ENAH: variants seen among roughly 807,000 people sequenced by gnomAD.
ENAH encodes the protein protein enabled homolog.
Under a neutral mutation model 78.7 loss-of-function variants are expected in ENAH, and 23 were observed. That is an observed-to-expected ratio of 0.29 (90% CI 0.21 to 0.41). ENAH has a LOEUF of 0.41. Among genes scored for constraint, ENAH ranks in the 10% least tolerant of loss-of-function variants. The probability of loss-of-function intolerance (pLI) is 1.00; values close to 1 mark genes in which losing one functional copy is unlikely to be tolerated. For synonymous variants in ENAH, 226 were observed against 241.0 expected (o/e 0.94, Z 0.58); for missense variants, 544 against 691.0 (o/e 0.79, Z 2.39).
intron 10 of ENAH, among the ~76,000 whole-genome samples, chr1:225,509,087 T>G (rs2096356843): frequency 6.6e-6 from 1 of 152,190 alleles, no homozygotes; most frequent in South Asian, 2.1e-4. Context: ...TATTCCTTCT[T>G]TTGTATTCTA....
chr1:225,511,429 T>C (rs1212821762), intron 10 of ENAH, among the ~76,000 whole-genome samples: 1 of 152,212 alleles, frequency 6.6e-6, no homozygotes, highest in Non-Finnish European at 1.5e-5. Flanking sequence ...AGTTTACAAA[T>C]CAGAAACTTT....
intron 2 of ENAH, among the ~76,000 whole-genome samples, chr1:225,558,088 TA>T (rs1428609814): frequency 2.6e-5 from 4 of 152,232 alleles, no homozygotes; most frequent in Non-Finnish European, 5.9e-5. Context: ...TCAATTTTTA[TA>T]AATCTCTAGA....
intron 4 of ENAH, among the ~76,000 whole-genome samples, chr1:225,522,095 C>T (rs79698826): frequency 0.043 from 6,541 of 152,210 alleles, 228 homozygotes; most frequent in South Asian, 0.11. Context: ...GCGCCCGGCC[C>T]AACAATAGTT....
chr1:225,548,457 A>G (rs543931008), intron 3 of ENAH, among the ~76,000 whole-genome samples: 1 of 152,372 alleles, frequency 6.6e-6, no homozygotes, highest in East Asian at 1.9e-4. Flanking sequence ...ACACAAAACT[A>G]AAAGTAAATT....
At chr1:225,561,397 G>A (rs889391815) in intron 2 of ENAH, among the ~76,000 whole-genome samples, 2 of 151,854 alleles carry the variant, frequency 1.3e-5, no homozygotes, top group Non-Finnish European at 2.9e-5. Context: ...GCGGAGGCAA[G>A]CAGATCATGA....
chr1:225,577,865 T>C (rs546938780), intron 1 of ENAH, among the ~76,000 whole-genome samples: 1 of 152,262 alleles, frequency 6.6e-6, no homozygotes, highest in Non-Finnish European at 1.5e-5. Context: ...CATGTAGTCA[T>C]GTGTGCTTAG....
chr1:225,625,099 CTGAGCGATAGACTTAA>C (rs1179309293), intron 1 of ENAH, among the ~76,000 whole-genome samples: 1 of 152,158 alleles, frequency 6.6e-6, no homozygotes, highest in East Asian at 1.9e-4. Context: ...AGCAGAAGAG[CTGAGCGATAGACTTAA>C]TTTCAAAATG....
chr1:225,602,767 A>G (rs2096937460), intron 1 of ENAH, among the ~76,000 whole-genome samples: 1 of 152,124 alleles, frequency 6.6e-6, no homozygotes, highest in Admixed American at 6.6e-5. Flanking sequence ...TTTGAAAAGA[A>G]AGAGAGAAAA....
chr1:225,520,307 A>G (rs1372684278), intron 4 of ENAH, among the ~76,000 whole-genome samples: 40 of 151,824 alleles, frequency 2.6e-4, no homozygotes, highest in Non-Finnish European at 5.9e-5. Flanking sequence ...AAAAAAAAAA[A>G]AAGTTTACTG....
rs2096236680 is a variant in ENAH at position 225,494,058 on chromosome 1, C to T, written c.*3717G>A. 3.1e-5 allele frequency: 1 copy of T among 31,968 alleles called. No individual in the cohort carries two copies. The highest frequency in any genetic ancestry group is 1.1e-4 in the African/African-American group (1 of 9,448). The allele number at this position is 31,968 out of a possible 1,614,324, so 2.0% of individuals were successfully genotyped here. ...AAGAGAAGCAAGAACATGAGACAGGCTAGAGCAAAAAAAAAAAAAAAAAAA... is the reference window on the plus strand; with the variant it reads ...AAGAGAAGCAAGAACATGAGACAGGTTAGAGCAAAAAAAAAAAAAAAAAAA... On this transcript the variant is annotated 3_prime_UTR_variant, in exon 14 of 14. Transcript: ENST00000366843.
At chr1:225,518,628 C>T (rs965125936) in intron 5 of ENAH, among the ~76,000 whole-genome samples, 3 of 152,128 alleles carry the variant, frequency 2.0e-5, no homozygotes, top group African/African-American at 7.2e-5. Context: ...TTTTAATAAA[C>T]GTTAAAATAT....
intron 1 of ENAH, among the ~76,000 whole-genome samples, chr1:225,617,692 G>A (rs1453192471): frequency 6.6e-6 from 1 of 152,102 alleles, no homozygotes; most frequent in Non-Finnish European, 1.5e-5. Context: ...CAACTCACTA[G>A]TAAGCTTAGG....
At chr1:225,556,980 T>C (rs909184638) in intron 2 of ENAH, among the ~76,000 whole-genome samples, 2 of 152,214 alleles carry the variant, frequency 1.3e-5, no homozygotes, top group African/African-American at 2.4e-5. Flanking sequence ...TAAGGCTCTA[T>C]TTTCACCTAC....
chr1:225,511,695 G>T, intron 10 of ENAH, 116 bp downstream of exon 10: 1 of 616,928 alleles, frequency 1.6e-6, no homozygotes, highest in Non-Finnish European at 2.7e-6. Context: ...AAAGAACTCT[G>T]GCATTTTAGT....
chr1:225,576,794 C>G (rs1402292216), intron 1 of ENAH, among the ~76,000 whole-genome samples: 1 of 152,190 alleles, frequency 6.6e-6, no homozygotes, highest in Non-Finnish European at 1.5e-5. Flanking sequence ...GAAACCAGCA[C>G]CAGCCCTGCC....
At chr1:225,650,504 T>A (rs1357271511) in intron 1 of ENAH, among the ~76,000 whole-genome samples, 1 of 152,212 alleles carries the variant, frequency 6.6e-6, no homozygotes, top group East Asian at 1.9e-4. Context: ...CGGTAACTTT[T>A]TTTTAGTTCA....
chr1:225,514,654 C>G lies in ENAH; in HGVS notation c.1160G>C (p.Arg387Pro), dbSNP rs1261936433. 1.2e-6 allele frequency: 2 copies of G among 1,608,254 alleles called. No homozygotes were observed. Among genetic ancestry groups the G allele is most frequent in the South Asian group, 1.1e-5 (1 of 90,858 alleles). ...FFLASMSEDN[R>P]PLTGLAAAIA... Reference sequence around the variant, plus strand: ...TGCAGCTGCAAGTCCAGTTAAAGGGCGATTGTCTTCTGACATGGATGCCAA... The same window carrying G: ...TGCAGCTGCAAGTCCAGTTAAAGGGGGATTGTCTTCTGACATGGATGCCAA... The change falls in exon 7 of 14, where the codon CGC becomes CCC. Residue 387 changes from arginine to proline, a missense_variant. By Grantham distance (103) the Arg-to-Pro change is moderately radical. Coordinates refer to ENST00000366843, the MANE Select transcript of ENAH (RefSeq NM_018212.6).
intron 1 of ENAH, among the ~76,000 whole-genome samples, chr1:225,641,295 G>A (rs1661017434): frequency 6.6e-6 from 1 of 151,622 alleles, no homozygotes; most frequent in African/African-American, 2.4e-5. Context: ...AAAAAATTAT[G>A]CATTTTCCTT....
Position 225,491,745 on chromosome 1 carries a change from C to T in ENAH, c.*6030G>A, listed in dbSNP as rs2096223396. 6.6e-6 allele frequency: 1 copy of T among 152,136 alleles called. No homozygotes were observed. The highest frequency in any genetic ancestry group is 6.5e-5 in the Admixed American group (1 of 15,278). 9.4% of individuals were successfully genotyped at this position (152,136 alleles called of 1,614,324 possible). ...CAATGTAGACTTTTTCTTCTGAGTG[C>T]TTTTTCCTATGGAATTCAAAGTACC... On this transcript the variant is annotated 3_prime_UTR_variant, in exon 14 of 14. Coordinates refer to ENST00000366843, the MANE Select transcript of ENAH (RefSeq NM_018212.6).
Sources: allele counts gnomAD v4.1 joint callset (sites outside exome capture counted in the v4.1 genomes callset), GRCh38; gene constraint gnomAD v4.1.1; transcripts MANE v1.5; gene names NCBI Gene and HGNC (gene_info 2026-07-23, HGNC 2026-07-21).